The following EPC2 variants were observed in gnomAD, a reference collection of about 807,000 sequenced individuals.
EPC2 encodes the protein enhancer of polycomb homolog 2.
EPC2 carries 14 observed loss-of-function variants against 92.1 expected under a neutral mutation model. The observed-to-expected ratio is 0.15, with a 90% confidence interval of 0.10 to 0.24. The LOEUF (loss-of-function observed/expected upper bound fraction) is 0.24, where lower values mean the gene tolerates loss of function less well. Ranked by LOEUF, EPC2 falls within the 10% of genes least tolerant of loss-of-function variation. EPC2 has a pLI of 1.00. For synonymous variants in EPC2, 340 were observed against 334.7 expected, an observed-to-expected ratio of 1.02 and a Z score of -0.17; for missense variants, 755 against 971.5, an observed-to-expected ratio of 0.78 and a Z score of 2.96.
At chr2:148,747,100 A>G (rs1574619899) in intron 3 of EPC2, among the ~76,000 whole-genome samples, 1 of 152,200 alleles carries the variant, frequency 6.6e-6, no homozygotes, top group South Asian at 2.1e-4. Flanking sequence ...TCAGTGTTTT[A>G]ATGTATAACC....
At chr2:148,727,946 A>G (rs1682529767) in intron 2 of EPC2, among the ~76,000 whole-genome samples, 1 of 152,190 alleles carries the variant, frequency 6.6e-6, no homozygotes, top group Non-Finnish European at 1.5e-5. Context: ...CCATAAGTTC[A>G]TGTATTCTTT....
intron 1 of EPC2, among the ~76,000 whole-genome samples, chr2:148,674,093 C>T (rs886103649): frequency 6.6e-6 from 1 of 152,126 alleles, no homozygotes; most frequent in African/African-American, 2.4e-5. Flanking sequence ...AGGCATCTCT[C>T]CCAGTCTTTA....
intron 1 of EPC2, 43 bp downstream of exon 1, chr2:148,645,213 C>A (rs966611696): frequency 6.7e-7 from 1 of 1,494,198 alleles, no homozygotes; most frequent in South Asian, 1.3e-5. Flanking sequence ...CCTCCTCCCC[C>A]CTCCCCTTTG....
At chr2:148,691,549 G>C (rs1476610345) in intron 2 of EPC2, 5 of 1,550,414 alleles carry the variant, frequency 3.2e-6, no homozygotes, top group Non-Finnish European at 4.4e-6. Flanking sequence ...CAGTGAAATT[G>C]CATCTTAAAT....
At chr2:148,716,741 G>A (rs1293103157) in intron 2 of EPC2, among the ~76,000 whole-genome samples, 1 of 152,124 alleles carries the variant, frequency 6.6e-6, no homozygotes, top group Non-Finnish European at 1.5e-5. Context: ...GTATCAGGAT[G>A]ATGCAGGCCT....
intron 1 of EPC2, 159 bp downstream of exon 1, chr2:148,645,329 G>C: frequency 3.2e-6 from 2 of 624,760 alleles, no homozygotes; most frequent in South Asian, 2.1e-5. Flanking sequence ...AAACCCTCTC[G>C]GCCGGCGTAG....
At chr2:148,785,354 G>A (rs749475813) in intron 13 of EPC2, among the ~76,000 whole-genome samples, 19 of 151,932 alleles carry the variant, frequency 1.3e-4, no homozygotes, top group Non-Finnish European at 2.1e-4. Context: ...CCGAGATGGA[G>A]TCTTGCTGTC....
intron 2 of EPC2, among the ~76,000 whole-genome samples, chr2:148,711,421 T>A (rs936386937): frequency 6.6e-6 from 1 of 152,176 alleles, no homozygotes; most frequent in Non-Finnish European, 1.5e-5. Flanking sequence ...TCATTTCTGT[T>A]TTAGTTCCAT....
chr2:148,679,441 G>A (rs1238587461), intron 1 of EPC2, among the ~76,000 whole-genome samples: 1 of 152,136 alleles, frequency 6.6e-6, no homozygotes, highest in Non-Finnish European at 1.5e-5. Flanking sequence ...GATTGCAGAG[G>A]CTCTCTGAGA....
intron 1 of EPC2, among the ~76,000 whole-genome samples, chr2:148,646,839 C>A (rs1683812528): frequency 6.6e-6 from 1 of 151,954 alleles, no homozygotes; most frequent in South Asian, 2.1e-4. Flanking sequence ...AGGCCGGGCA[C>A]GGTGGGTCAC....
chr2:148,677,056 C>A (rs189974603), intron 1 of EPC2, among the ~76,000 whole-genome samples: 1 of 152,252 alleles, frequency 6.6e-6, no homozygotes, highest in Non-Finnish European at 1.5e-5. Context: ...TCTACCCTTT[C>A]CCCAAAAAAG....
At chr2:148,765,336 T>C (rs1417786098) in intron 7 of EPC2, among the ~76,000 whole-genome samples, 190 bp downstream of exon 7, 1 of 152,220 alleles carries the variant, frequency 6.6e-6, no homozygotes. Flanking sequence ...ATCAGTTGTA[T>C]AGAATTTACT....
chr2:148,716,061 G>T (rs904806232), intron 2 of EPC2, among the ~76,000 whole-genome samples: 1 of 152,138 alleles, frequency 6.6e-6, no homozygotes, highest in Non-Finnish European at 1.5e-5. Flanking sequence ...AACAATTTTT[G>T]AACATTGATT....
At chr2:148,656,001 C>CTGTGTTTG (rs777687880) in intron 1 of EPC2, among the ~76,000 whole-genome samples, 954 of 59,804 alleles carry the variant, frequency 0.016, 50 homozygotes, top group African/African-American at 0.048. Flanking sequence ...CTGCTGTTAG[C>CTGTGTTTG]TGTGTGTGTG....
At chr2:148,666,007 A>C (rs180756266) in intron 1 of EPC2, among the ~76,000 whole-genome samples, 186 of 152,346 alleles carry the variant, frequency 1.2e-3, no homozygotes, top group Non-Finnish European at 2.3e-3. Flanking sequence ...TTGGGAGGCA[A>C]AGTTAATGAA....
intron 12 of EPC2, 56 bp from the exon 13 acceptor site, chr2:148,784,612 A>C: frequency 7.9e-7 from 1 of 1,272,768 alleles, no homozygotes; most frequent in South Asian, 1.5e-5. Flanking sequence ...TAAGCTTCTA[A>C]AAATAGTTGT....
chr2:148,713,440 A>G (rs1183394785), intron 2 of EPC2, among the ~76,000 whole-genome samples: 1 of 152,200 alleles, frequency 6.6e-6, no homozygotes, highest in Non-Finnish European at 1.5e-5. Context: ...TGGTGTTACA[A>G]AAGAGACAAA....
Position 148,781,750 on chromosome 2 carries a change from T to C in EPC2, c.1827T>C (p.His609=). The part of the protein sequence containing the change: ...AQLQQKQQSQ[H]SSQQTHPKAQ... ...TTCAGCAGAAACAGCAATCTCAGCA[T>C]TCCTCGCAACAGACACATCCAAAAG... The change falls in exon 11 of 14, where the codon CAT becomes CAC. Residue 609 remains histidine (H), a synonymous_variant. Coordinates refer to ENST00000258484, the MANE Select transcript of EPC2 (RefSeq NM_015630.4). 6.2e-7 allele frequency: 1 copy of C among 1,614,008 alleles called. No individual in the cohort carries two copies.
chr2:148,760,495 CA>C (rs1278032441), intron 4 of EPC2, among the ~76,000 whole-genome samples: 29 of 152,296 alleles, frequency 1.9e-4, no homozygotes, highest in Admixed American at 1.1e-3. Flanking sequence ...GGGTAAGGGA[CA>C]TGTGCAATAC....
Sources: allele counts gnomAD v4.1 joint callset (sites outside exome capture counted in the v4.1 genomes callset), GRCh38; gene constraint gnomAD v4.1.1; transcripts MANE v1.5; gene names NCBI Gene and HGNC (gene_info 2026-07-23, HGNC 2026-07-21).